The following FCRL2 variants were observed in gnomAD, a reference collection of about 807,000 sequenced individuals.
The protein encoded by FCRL2 is Fc receptor-like protein 2.
FCRL2 carries 48 observed loss-of-function variants against 59.8 expected under a neutral mutation model. The observed-to-expected ratio is 0.80, with a 90% CI of 0.64 to 1.02. The LOEUF (loss-of-function observed/expected upper bound fraction) is 1.02. Ranked by LOEUF, FCRL2 falls within the 50% of genes least tolerant of loss-of-function variation. The pLI, the probability that FCRL2 is intolerant of heterozygous loss-of-function variation, is 0.00. For synonymous variants in FCRL2, 251 were observed against 229.5 expected (o/e 1.09, Z -0.85); for missense variants, 658 against 597.3 (o/e 1.10, Z -1.06).
intron 2 of FCRL2, among the ~76,000 whole-genome samples, chr1:157,773,319 A>G (rs931477493): frequency 1.3e-5 from 2 of 152,206 alleles, no homozygotes; most frequent in Non-Finnish European, 2.9e-5. Flanking sequence ...GCATTTATGG[A>G]CCACTCAGTG....
At chr1:157,761,210 A>G (rs1032267837) in intron 7 of FCRL2, among the ~76,000 whole-genome samples, 2 of 152,194 alleles carry the variant, frequency 1.3e-5, no homozygotes, top group Non-Finnish European at 1.5e-5. Flanking sequence ...GGTGCAACAA[A>G]GTTAGGTTTG....
Position 157,768,408 on chromosome 1 carries a change from A to T in FCRL2, c.883+6T>A, listed in dbSNP as rs746749018. On this transcript the variant is annotated splice_donor_region_variant and intron_variant, in intron 5 of 11. Transcript: ENST00000361516. The stretch of plus-strand genomic sequence containing the variant: ...TCTGGAAGATATGAATGAGAGTGTC[A>T]CTCACTTCTCACAGGGATATTCACC... 6.2e-7 allele frequency: 1 copy of T among 1,610,878 alleles called. No individual in the cohort carries two copies. Among genetic ancestry groups the T allele is most frequent in the Non-Finnish European group, 8.5e-7 (1 of 1,177,618 alleles).
At chr1:157,748,788 C>G (rs902618780) in intron 9 of FCRL2, 87 bp downstream of exon 9, 2 of 1,326,416 alleles carry the variant, frequency 1.5e-6, no homozygotes, top group African/African-American at 1.4e-5. Context: ...GTTGGGGTGT[C>G]TACACCACCC....
chr1:157,769,273 T>C (rs1649786386), intron 4 of FCRL2: 1 of 156,008 alleles, frequency 6.4e-6, no homozygotes, highest in African/African-American at 2.4e-5. Context: ...TCCCACCCAC[T>C]ACTAAATGCC....
At position 157,770,123 on chromosome 1, in the gene FCRL2, G is replaced by C; in HGVS notation, c.338C>G (p.Ala113Gly). ...CCCTTCGATGGGCTGGAAGGAGCTG[G>C]CAGTCAGCACAGGACGTTGAAAGAG... ...QELFQRPVLT[A>G]SSFQPIEGGP... is the part of the protein sequence containing the mutation. The change falls in exon 4 of 12, where the codon GCC becomes GGC. Residue 113 changes from alanine (A) to glycine (G), a missense_variant. By Grantham distance (60) the Ala-to-Gly change is moderately conservative (BLOSUM62 0). Transcript: ENST00000361516. The C allele has an allele frequency of 1.2e-6, 2 of 1,614,094 alleles. No individual in the cohort carries two copies. The highest frequency in any genetic ancestry group is 1.7e-5 in the Admixed American group (1 of 60,028).
rs534137363 is a variant in FCRL2 at position 157,770,071 on chromosome 1, G to C, written c.390C>G (p.Thr130=). 4 of 1,614,152 alleles carry C rather than the reference G, an allele frequency of 2.5e-6. No individual in the cohort carries two copies. In the African/African-American group the frequency reaches 5.3e-5, roughly 22 times the overall value. ...CATCCAACCTCTGTGGAGAGAGCCG[G>C]GTCTCACATTTCAGGCTCACTGGAC... is the stretch of plus-strand genomic sequence containing the variant. ...EGGPVSLKCE[T]RLSPQRLDVQ... Residue 130 remains threonine (T), a synonymous_variant, in exon 4 of 12, where the codon ACC becomes ACG. Coordinates refer to ENST00000361516, the MANE Select transcript of FCRL2 (RefSeq NM_030764.4).
chr1:157,767,645 C>T (rs373995926), intron 5 of FCRL2, 136 bp from the exon 6 acceptor site: 3 of 1,608,856 alleles, frequency 1.9e-6, no homozygotes, highest in African/African-American at 1.3e-5. Context: ...CCCACTAGAA[C>T]AGTTAGAGAT....
chr1:157,748,891 C>T lies in FCRL2; in HGVS notation c.1377G>A (p.Gln459=). Residue 459 remains glutamine, a synonymous_variant, in exon 9 of 12, where the codon CAG becomes CAA. Transcript: ENST00000361516. ...GACACTCACCATTGACATACACTGGCTGCAGCTCCTCCATGTCTGGGGTTG... is the reference window on the plus strand; with the variant it reads ...GACACTCACCATTGACATACACTGGTTGCAGCTCCTCCATGTCTGGGGTTG... ...SSPTPDMEEL[Q]PVYVNVGSVD... is the part of the protein sequence containing the mutation. 1 of 1,613,820 alleles carries T rather than the reference C, an allele frequency of 6.2e-7. No individual in the cohort carries two copies. The highest frequency in any genetic ancestry group is 8.5e-7 in the Non-Finnish European group (1 of 1,179,868).
intron 7 of FCRL2, among the ~76,000 whole-genome samples, chr1:157,752,942 G>A (rs1409424466): frequency 6.6e-6 from 1 of 152,128 alleles, no homozygotes; most frequent in African/African-American, 2.4e-5. Context: ...ATCCAGAAAA[G>A]TTCTGTAAGA....
Position 157,768,429 on chromosome 1 carries a change from TCAC to T in FCRL2, c.865_867del (p.Val289del), listed in dbSNP as rs750421626. ...TGTCACTCACTTCTCACAGGGATAT[TCAC>T]CACCTTGCTCTGGATAGGCACATGG... On this transcript the variant is annotated inframe_deletion, in exon 5 of 12. Coordinates refer to ENST00000361516, the MANE Select transcript of FCRL2 (RefSeq NM_030764.4). 1 of 1,613,928 alleles carries T rather than the reference TCAC, an allele frequency of 6.2e-7. No homozygotes were observed. The highest frequency in any genetic ancestry group is 1.1e-5 in the South Asian group (1 of 91,050).
At chr1:157,774,433 C>A (rs545047477) in intron 2 of FCRL2, 9 of 456,472 alleles carry the variant, frequency 2.0e-5, no homozygotes, top group African/African-American at 1.8e-4. Flanking sequence ...GTACATCATG[C>A]TGAACTAAGT....
At chr1:157,762,200 A>G (rs1173392738) in intron 7 of FCRL2, among the ~76,000 whole-genome samples, 2 of 152,148 alleles carry the variant, frequency 1.3e-5, no homozygotes, top group Admixed American at 6.5e-5. Context: ...CACTATCACC[A>G]CAACTGATAC....
intron 7 of FCRL2, among the ~76,000 whole-genome samples, chr1:157,757,743 A>G (rs1460476199): frequency 1.3e-5 from 2 of 152,192 alleles, no homozygotes; most frequent in Non-Finnish European, 2.9e-5. Flanking sequence ...CAGGTGAATC[A>G]CGAGGTCAGG....
Position 157,768,630 on chromosome 1 carries a change from T to C in FCRL2, c.667A>G (p.Ile223Val). Residue 223 changes from isoleucine (I) to valine (V), a missense_variant, in exon 5 of 12, where the codon ATC becomes GTC. Ile to Val is a conservative substitution (Grantham distance 29). Coordinates refer to ENST00000361516, the MANE Select transcript of FCRL2 (RefSeq NM_030764.4). The part of the protein sequence containing the change: ...GGQVTEGQKL[I>V]LLCSVAGGTG... Reference sequence around the variant, plus strand: ...CCCCCAGCCACTGAGCAGAGCAGGATCAGTTTTTGTCCTTCAGTCACCTGT... The same window carrying C: ...CCCCCAGCCACTGAGCAGAGCAGGACCAGTTTTTGTCCTTCAGTCACCTGT... 6.2e-7 allele frequency: 1 copy of C among 1,614,138 alleles called. No individual in the cohort carries two copies. The highest frequency in any genetic ancestry group is 1.7e-5 in the Admixed American group (1 of 60,016).
At chr1:157,760,488 C>T (rs898712374) in intron 7 of FCRL2, among the ~76,000 whole-genome samples, 13 of 151,496 alleles carry the variant, frequency 8.6e-5, no homozygotes, top group Admixed American at 2.0e-4. Context: ...ATTAGCTGGG[C>T]GTCATGGCAG....
At chr1:157,754,836 C>A (rs1648464544) in intron 7 of FCRL2, among the ~76,000 whole-genome samples, 2 of 151,874 alleles carry the variant, frequency 1.3e-5, no homozygotes, top group South Asian at 4.2e-4. Flanking sequence ...CACGGCGGTG[C>A]ATGCCTGTGG....
intron 7 of FCRL2, among the ~76,000 whole-genome samples, chr1:157,761,883 T>A (rs2101713708): frequency 6.6e-6 from 1 of 152,310 alleles, no homozygotes; most frequent in African/African-American, 2.4e-5. Flanking sequence ...GTCTTCAAAC[T>A]TCCAGTAATG....
At chr1:157,752,225 C>A (rs1486478270) in intron 7 of FCRL2, among the ~76,000 whole-genome samples, 2 of 152,164 alleles carry the variant, frequency 1.3e-5, no homozygotes, top group Non-Finnish European at 2.9e-5. Context: ...GTGGGAGGTA[C>A]CCAGTGGGAG....
intron 5 of FCRL2, chr1:157,768,192 A>G: frequency 1.9e-6 from 1 of 525,518 alleles, no homozygotes; most frequent in Non-Finnish European, 3.4e-6. Context: ...GTAGGATTGC[A>G]AGAATGCTTA....
Sources: gnomAD v4.1 joint callset for allele counts (sites outside exome capture counted in the v4.1 genomes callset) on GRCh38, gnomAD v4.1.1 for gene constraint, MANE v1.5 for transcripts, NCBI Gene and HGNC (gene_info 2026-07-23, HGNC 2026-07-21) for gene names.